NMNAT2: variants seen among roughly 807,000 people sequenced by gnomAD.
NMNAT2 encodes the protein nicotinamide nucleotide adenylyltransferase 2, also known as nicotinamide/nicotinic acid mononucleotide adenylyltransferase 2.
Under a neutral mutation model 41.6 loss-of-function variants are expected in NMNAT2, and 11 were observed. The ratio of observed to expected loss-of-function variants is 0.26; its 90% CI spans 0.17 to 0.44. The LOEUF (loss-of-function observed/expected upper bound fraction) is 0.44, where lower values mean the gene tolerates loss of function less well. NMNAT2 is among the 20% of genes least tolerant of loss of function. The pLI, the probability that NMNAT2 is intolerant of heterozygous loss-of-function variation, is 1.00. For missense variants in NMNAT2, 288 were observed against 407.7 expected (o/e 0.71, Z 2.53); for synonymous variants, 148 against 151.2 (o/e 0.98, Z 0.16).
In NMNAT2 at chr1:183,341,748, C is replaced by CAAAAAAAA. The variant is rs369432128; in HGVS notation, c.86-47956_86-47955insTTTTTTTT. ...ACCAAAAAAAAAAAAAAAAAAAAAA[C>CAAAAAAAA]CTGTTTCCTTCACTCCAGGTTACTT... On this transcript the variant is annotated intron_variant, in intron 1 of 10. Transcript: ENST00000287713. Among the ~76,000 whole-genome samples the CAAAAAAAA allele has an allele frequency of 1.4e-4, 11 of 79,840 alleles. 1 individual carries two copies. In the East Asian group the frequency reaches 2.3e-3, roughly 17 times the overall value. 52.4% of individuals were successfully genotyped at this position (79,840 alleles called of 152,430 possible). A position where few individuals can be genotyped will look rare whatever the true frequency, so the allele number is the denominator to read the frequency against.
chr1:183,418,128 G>T, intron 1 of NMNAT2, 55 bp downstream of exon 1: 2 of 1,513,846 alleles, frequency 1.3e-6, no homozygotes, highest in African/African-American at 1.4e-5. Flanking sequence ...AAACACAGGT[G>T]CCTGGGAAAG....
At chr1:183,331,231 G>A (rs1662576561) in intron 1 of NMNAT2, among the ~76,000 whole-genome samples, 1 of 117,782 alleles carries the variant, frequency 8.5e-6, no homozygotes, top group African/African-American at 2.7e-5. Context: ...AAAGAGGGCA[G>A]ACATCAATCA....
intron 7 of NMNAT2, among the ~76,000 whole-genome samples, chr1:183,280,668 A>G (rs377197063): frequency 2.0e-5 from 3 of 150,390 alleles, no homozygotes; most frequent in Non-Finnish European, 4.4e-5. Context: ...AATTACAGGC[A>G]TGAGCCACTA....
chr1:183,268,511 T>C lies in NMNAT2; in HGVS notation c.652-7208A>G, dbSNP rs114993683. ...ATATCTTACAGTGACTAATATATTA[T>C]GGGTAACTGGCAAAAGTTTGGGTCA... On this transcript the variant is annotated intron_variant, in intron 8 of 10. Coordinates refer to ENST00000287713, the MANE Select transcript of NMNAT2 (RefSeq NM_015039.4). Among the ~76,000 whole-genome samples the C allele has an allele frequency of 5.0e-3, 757 of 152,328 alleles. 4 individuals carry two copies. The highest frequency in any genetic ancestry group is 0.014 in the Middle Eastern group (4 of 294).
intron 1 of NMNAT2, among the ~76,000 whole-genome samples, chr1:183,391,169 C>T (rs1482276675): frequency 2.6e-5 from 4 of 152,152 alleles, no homozygotes; most frequent in Non-Finnish European, 5.9e-5. Flanking sequence ...CCTGCTTCTT[C>T]TCTCTTCAAA....
intron 1 of NMNAT2, among the ~76,000 whole-genome samples, chr1:183,342,115 G>A (rs1030536777): frequency 5.3e-5 from 8 of 150,402 alleles, no homozygotes; most frequent in African/African-American, 2.0e-4. Context: ...CAGTGTCTCT[G>A]AGTGAGAAAC....
At chr1:183,268,193 A>G (rs1269856166) in intron 8 of NMNAT2, among the ~76,000 whole-genome samples, 1 of 152,076 alleles carries the variant, frequency 6.6e-6, no homozygotes, top group Non-Finnish European at 1.5e-5. Flanking sequence ...AACACTCATG[A>G]TCCAGGCAGC....
intron 1 of NMNAT2, among the ~76,000 whole-genome samples, chr1:183,296,553 C>T (rs1441584157): frequency 6.6e-6 from 1 of 150,468 alleles, no homozygotes; most frequent in East Asian, 1.9e-4. Context: ...AGCTCTGTTG[C>T]CCAGGCTGGA....
chr1:183,317,508 G>A (rs1287277033), intron 1 of NMNAT2, among the ~76,000 whole-genome samples: 5 of 152,166 alleles, frequency 3.3e-5, no homozygotes, highest in African/African-American at 1.2e-4. Context: ...CTGGGCTCCA[G>A]CTATCCTCCT....
chr1:183,358,568 A>G (rs1663244825), intron 1 of NMNAT2, among the ~76,000 whole-genome samples: 2 of 152,204 alleles, frequency 1.3e-5, no homozygotes, highest in Non-Finnish European at 2.9e-5. Flanking sequence ...GTGTTCTGCA[A>G]CACCTTGATC....
chr1:183,404,748 C>T (rs1410735035), intron 1 of NMNAT2, among the ~76,000 whole-genome samples: 7 of 152,162 alleles, frequency 4.6e-5, no homozygotes, highest in Non-Finnish European at 7.3e-5. Flanking sequence ...TTGCCACCCC[C>T]GCTGTTGGTC....
At chr1:183,352,135 G>T (rs756949260) in intron 1 of NMNAT2, among the ~76,000 whole-genome samples, 23 of 152,272 alleles carry the variant, frequency 1.5e-4, no homozygotes, top group Non-Finnish European at 2.9e-4. Context: ...TGGGCAGGGA[G>T]AGCTCATCAG....
intron 1 of NMNAT2, among the ~76,000 whole-genome samples, chr1:183,379,721 A>T (rs1446857138): frequency 2.0e-5 from 3 of 152,212 alleles, no homozygotes; most frequent in Non-Finnish European, 4.4e-5. Context: ...GAGCTTCAAA[A>T]ACAAAGATCT....
intron 1 of NMNAT2, among the ~76,000 whole-genome samples, chr1:183,313,078 A>G (rs1216176467): frequency 6.6e-6 from 1 of 151,852 alleles, no homozygotes; most frequent in African/African-American, 2.4e-5. Flanking sequence ...TCTCTCTCCC[A>G]CTGCCAGCCC....
At chr1:183,264,069 G>A (rs1192475974) in intron 8 of NMNAT2, among the ~76,000 whole-genome samples, 1 of 152,084 alleles carries the variant, frequency 6.6e-6, no homozygotes, top group Non-Finnish European at 1.5e-5. Context: ...GTATCCATGG[G>A]GATTCCTAAG....
intron 1 of NMNAT2, among the ~76,000 whole-genome samples, chr1:183,383,406 T>A (rs1190257910): frequency 6.6e-6 from 1 of 152,244 alleles, no homozygotes; most frequent in Non-Finnish European, 1.5e-5. Flanking sequence ...CCTCATTACT[T>A]GTGCAAATTT....
chr1:183,323,944 G>A lies in NMNAT2; in HGVS notation c.86-30151C>T, dbSNP rs551637955. ...GAGGAGTTTATTTAGGCAAATGAGG[G>A]AGTGAGGTTTAAGAATGAGCCAAAG... On this transcript the variant is annotated intron_variant, in intron 1 of 10. Coordinates refer to ENST00000287713, the MANE Select transcript of NMNAT2 (RefSeq NM_015039.4). 4.5e-4 allele frequency among the ~76,000 whole-genome samples: 69 copies of A among 152,322 alleles called. No individual in the cohort carries two copies. In the South Asian group the frequency reaches 4.6e-3, roughly 10 times the overall value.
intron 10 of NMNAT2, 74 bp from the exon 11 acceptor site, chr1:183,252,817 C>T: frequency 9.6e-7 from 1 of 1,039,184 alleles, no homozygotes; most frequent in Non-Finnish European, 1.5e-6. Context: ...ATGCCCCTGT[C>T]TCCCCAGCAC....
intron 1 of NMNAT2, among the ~76,000 whole-genome samples, chr1:183,348,750 A>T (rs1188719006): frequency 1.3e-5 from 2 of 152,216 alleles, no homozygotes; most frequent in Non-Finnish European, 2.9e-5. Context: ...TCCAGATGGA[A>T]GGAAGGTATT....
Sources: gnomAD v4.1 joint callset for allele counts (sites outside exome capture counted in the v4.1 genomes callset) on GRCh38, gnomAD v4.1.1 for gene constraint, MANE v1.5 for transcripts, NCBI Gene and HGNC (gene_info 2026-07-23, HGNC 2026-07-21) for gene names.